The following PPP1R16A variants were observed in gnomAD, a reference collection of about 807,000 sequenced individuals.
The protein encoded by PPP1R16A is protein phosphatase 1 regulatory subunit 16A.
Under a neutral mutation model 46.6 loss-of-function variants are expected in PPP1R16A, and 39 were observed. The observed-to-expected ratio is 0.84, with a 90% CI of 0.65 to 1.09. The LOEUF is 1.09. Among genes scored for constraint, PPP1R16A ranks in the 50% least tolerant of loss-of-function variants. The pLI is 0.00. For missense variants in PPP1R16A, 798 were observed against 735.6 expected, an observed-to-expected ratio of 1.08 and a Z score of -0.98; for synonymous variants, 413 against 321.5, an observed-to-expected ratio of 1.28 and a Z score of -3.04.
intron 1 of PPP1R16A, among the ~76,000 whole-genome samples, chr8:144,480,744 G>A (rs371890435): frequency 1.5e-4 from 23 of 151,720 alleles, no homozygotes; most frequent in South Asian, 4.2e-4. Flanking sequence ...TTGGCCTCCC[G>A]AAGTGCGGGG....
intron 2 of PPP1R16A, among the ~76,000 whole-genome samples, chr8:144,491,376 G>C (rs1304468757): frequency 6.6e-6 from 1 of 152,076 alleles, no homozygotes; most frequent in Admixed American, 6.6e-5. Flanking sequence ...CATTTTGGGA[G>C]GCCAAGGCAT....
In PPP1R16A at chr8:144,501,010, C is replaced by T. The variant is rs1454436395; in HGVS notation, c.1037+39C>T. On this transcript the variant is annotated intron_variant, in intron 10 of 11. Transcript: ENST00000435887. ...CCAGCAGGCCCCGCCCCGGGCTTGG[C>T]CCCGCGGACGTCAGCCCCGGGCGGA... 5 of 1,457,576 alleles carry T rather than the reference C, an allele frequency of 3.4e-6. No individual in the cohort carries two copies. In the South Asian group the frequency reaches 7.2e-5, roughly 21 times the overall value. 90.3% of individuals were successfully genotyped at this position (1,457,576 alleles called of 1,614,324 possible). A position where few individuals can be genotyped will look rare whatever the true frequency, so the allele number is the denominator to read the frequency against.
At position 144,501,266 on chromosome 8, in the gene PPP1R16A, G is replaced by A. The variant is rs776332104; in HGVS notation, c.1175G>A (p.Gly392Asp). The change falls in exon 11 of 12, where the codon GGC (glycine) becomes GAC (aspartate). Residue 392 changes from glycine (G) to aspartate (D), a missense_variant. By Grantham distance (94) the Gly-to-Asp change is moderately conservative. Transcript: ENST00000435887. Reference protein sequence around the residue: ...PPEDNDDRQTGAELRPPPPEE... With the variant: ...PPEDNDDRQTDAELRPPPPEE... ...GAGGACAACGATGACCGCCAGACAGGCGCAGAGCTCAGGCCGCCGCCCCCG... is the reference window on the plus strand; with the variant it reads ...GAGGACAACGATGACCGCCAGACAGACGCAGAGCTCAGGCCGCCGCCCCCG... 4 of 1,600,014 alleles carry A rather than the reference G, an allele frequency of 2.5e-6. No individual in the cohort carries two copies. The highest frequency in any genetic ancestry group is 4.5e-5 in the East Asian group (2 of 44,542).
intron 5 of PPP1R16A, 71 bp from the exon 6 acceptor site, chr8:144,500,025 C>T: frequency 6.7e-7 from 1 of 1,502,550 alleles, no homozygotes; most frequent in Non-Finnish European, 9.0e-7. Context: ...CTGGCGGGGA[C>T]TTCTCCAAGT....
chr8:144,499,461 CG>C (rs1293654614), intron 5 of PPP1R16A: 3 of 213,876 alleles, frequency 1.4e-5, no homozygotes, highest in South Asian at 1.2e-4. Flanking sequence ...GGACGTAGAG[CG>C]GGGGGAACTC....
At position 144,498,827 on chromosome 8, in the gene PPP1R16A, C is replaced by T. The variant is rs374451006; in HGVS notation, c.317C>T (p.Thr106Met). ...SPDLANEDGL[T>M]ALHQCCIDDF... is the part of the protein sequence containing the mutation. ...GACTTGGCCAACGAGGACGGCCTGA[C>T]GGCCCTGCACCAGGTCAGCCTGCAC... is the stretch of plus-strand genomic sequence containing the variant. The change falls in exon 4 of 12, where the codon ACG becomes ATG. Residue 106 changes from threonine to methionine, a missense_variant. Physicochemically the swap from Thr to Met is moderately conservative, Grantham distance 81. Transcript: ENST00000435887. The T allele has an allele frequency of 4.4e-6, 7 of 1,607,796 alleles. No homozygotes were observed. Among genetic ancestry groups the T allele is most frequent in the East Asian group, 2.2e-5 (1 of 44,658 alleles).
chr8:144,491,913 T>TA (rs1393910102), intron 2 of PPP1R16A, among the ~76,000 whole-genome samples: 1 of 152,082 alleles, frequency 6.6e-6, no homozygotes, highest in Non-Finnish European at 1.5e-5. Flanking sequence ...GCCTGGGCAA[T>TA]AGAGTGAGAC....
intron 8 of PPP1R16A, 35 bp downstream of exon 8, chr8:144,500,647 C>T (rs1297531510): frequency 6.2e-7 from 1 of 1,605,724 alleles, no homozygotes; most frequent in African/African-American, 1.3e-5. Context: ...GAGGGGGCTT[C>T]CAGCGCAGCA....
intron 8 of PPP1R16A, 31 bp from the exon 9 acceptor site, chr8:144,500,655 G>A (rs1177220128): frequency 1.9e-6 from 3 of 1,606,762 alleles, no homozygotes; most frequent in African/African-American, 2.7e-5. Flanking sequence ...TTCCAGCGCA[G>A]CAGTCTGCAG....
rs113632049 is a variant in PPP1R16A at position 144,492,484 on chromosome 8, T to C, written c.-735+2272T>C. 3.8e-4 allele frequency among the ~76,000 whole-genome samples: 58 copies of C among 152,080 alleles called. No individual in the cohort carries two copies. The East Asian group carries it at 6.6e-3, about 17-fold the overall frequency. ...CCAAGTAGCTGGGACTACAGGCGCCTGCCACCCCACCCAGCTAATTTTTTG... is the reference window on the plus strand; with the variant it reads ...CCAAGTAGCTGGGACTACAGGCGCCCGCCACCCCACCCAGCTAATTTTTTG... On this transcript the variant is annotated intron_variant, in intron 2 of 11. Coordinates refer to ENST00000435887, the MANE Select transcript of PPP1R16A (RefSeq NM_001329443.2).
intron 1 of PPP1R16A, among the ~76,000 whole-genome samples, chr8:144,483,963 C>G (rs1233199431): frequency 6.6e-6 from 1 of 152,246 alleles, no homozygotes; most frequent in African/African-American, 2.4e-5. Context: ...AATGTGCTGG[C>G]TGACTGTGAG....
chr8:144,486,627 C>G (rs1038243916), intron 1 of PPP1R16A, among the ~76,000 whole-genome samples: 1 of 152,334 alleles, frequency 6.6e-6, no homozygotes, highest in Non-Finnish European at 1.5e-5. Flanking sequence ...CATCTTGTCA[C>G]GGACGCATTT....
At chr8:144,478,368 C>G in intron 1 of PPP1R16A, 1 of 357,000 alleles carries the variant, frequency 2.8e-6, no homozygotes. Flanking sequence ...CCTCGGGAGA[C>G]GCGGCTGCCG....
chr8:144,492,610 C>T (rs1825863334), intron 2 of PPP1R16A, among the ~76,000 whole-genome samples: 1 of 152,170 alleles, frequency 6.6e-6, no homozygotes, highest in African/African-American at 2.4e-5. Flanking sequence ...GCTGGGATTA[C>T]AGGCGTGAGC....
rs974383666 is a variant in PPP1R16A, at chr8:144,493,160, C to T, written c.-735+2948C>T. On this transcript the variant is annotated intron_variant, in intron 2 of 11. Transcript: ENST00000435887. The surrounding 1 kb of genome is among the most constrained non-coding windows in gnomAD (Gnocchi z 4.3). ...CAGCGGTATGTAGGCAGTGAGGGGA[C>T]GGTGGGTGGGGGTCGGGGACAGTGC... 6.6e-5 allele frequency among the ~76,000 whole-genome samples: 10 copies of T among 151,978 alleles called. 1 individual carries two copies. Among genetic ancestry groups the T allele is most frequent in the Non-Finnish European group, 1.3e-4 (9 of 67,958 alleles).
chr8:144,495,487 G>A (rs10902782), intron 2 of PPP1R16A: 58,163 of 152,116 alleles, frequency 0.38, 13,329 homozygotes, highest in South Asian at 0.58. Flanking sequence ...CCAGGCTGGA[G>A]TGCAGTGGCG....
chr8:144,495,162 AG>A (rs1162805732), intron 2 of PPP1R16A, among the ~76,000 whole-genome samples: 1 of 152,140 alleles, frequency 6.6e-6, no homozygotes, highest in Non-Finnish European at 1.5e-5. Flanking sequence ...CTAGGCCTAC[AG>A]GGGGGGACTA....
At position 144,484,566 on chromosome 8, in the gene PPP1R16A, G is replaced by C. The variant is rs1485890794; in HGVS notation, c.-913-5468G>C. On this transcript the variant is annotated intron_variant, in intron 1 of 11. Coordinates refer to ENST00000435887, the MANE Select transcript of PPP1R16A (RefSeq NM_001329443.2). The stretch of plus-strand genomic sequence containing the variant: ...CAGGCTGCCAGCTTCTTTCATTTAG[G>C]CATCTGGGCCTTTGACACCTTGCTG... 2.0e-5 allele frequency among the ~76,000 whole-genome samples: 3 copies of C among 152,202 alleles called. No individual in the cohort carries two copies. The East Asian group carries it at 5.8e-4, about 29-fold the overall frequency.
At chr8:144,478,332 G>A in intron 1 of PPP1R16A, 1 of 375,970 alleles carries the variant, frequency 2.7e-6, no homozygotes, top group Admixed American at 4.6e-5. Context: ...AGAGGAGGCT[G>A]GCGACGGAGG....
Sources: allele counts gnomAD v4.1 joint callset (sites outside exome capture counted in the v4.1 genomes callset), GRCh38; gene constraint gnomAD v4.1.1; non-coding constraint Gnocchi (gnomAD v3.1); transcripts MANE v1.5; gene names NCBI Gene and HGNC (gene_info 2026-07-23, HGNC 2026-07-21).